SHANK2: variants seen among roughly 807,000 people sequenced by gnomAD.
SHANK2 encodes the protein SH3 and multiple ankyrin repeat domains 2, also known as SH3 and multiple ankyrin repeat domains protein 2.
Under a neutral mutation model 133.7 loss-of-function variants are expected in SHANK2, and 43 were observed. The ratio of observed to expected loss-of-function variants is 0.32; its 90% CI spans 0.25 to 0.41. The LOEUF (loss-of-function observed/expected upper bound fraction) is 0.41, where lower values mean the gene tolerates loss of function less well. SHANK2 is among the 10% of genes least tolerant of loss of function. The probability of loss-of-function intolerance (pLI) is 1.00; values close to 1 mark genes in which losing one functional copy is unlikely to be tolerated. For synonymous variants in SHANK2, 1,017 were observed against 952.8 expected (o/e 1.07, Z -1.24); for missense variants, 1,994 against 2,235.8 (o/e 0.89, Z 2.18).
chr11:71,083,611 C>A (rs990689752), intron 8 of SHANK2, among the ~76,000 whole-genome samples: 18 of 152,190 alleles, frequency 1.2e-4, no homozygotes, highest in Admixed American at 2.0e-4. Context: ...GATACTGAGT[C>A]AAACTCAGAG....
intron 11 of SHANK2, chr11:70,863,351 A>C (rs1247312501): frequency 2.2e-6 from 1 of 457,956 alleles, no homozygotes; most frequent in East Asian, 7.0e-5. Context: ...GGCTCCCCGA[A>C]CACAGCCCGA....
chr11:70,566,063 G>T (rs2059964933), intron 17 of SHANK2, among the ~76,000 whole-genome samples: 1 of 152,174 alleles, frequency 6.6e-6, no homozygotes, highest in South Asian at 2.1e-4. Context: ...ATGGCAGCAG[G>T]CAAGAGAGAA....
chr11:71,152,484 A>C (rs1273417667), intron 2 of SHANK2, among the ~76,000 whole-genome samples: 11 of 152,334 alleles, frequency 7.2e-5, no homozygotes, highest in Non-Finnish European at 1.3e-4. Context: ...ACCTGAGTCC[A>C]GGAACAAAAC....
intron 11 of SHANK2, among the ~76,000 whole-genome samples, chr11:70,844,906 GA>G (rs1555062747): frequency 6.6e-6 from 1 of 152,026 alleles, no homozygotes; most frequent in East Asian, 1.9e-4. Flanking sequence ...TTCTTCTTAT[GA>G]AAATAAAATA....
Position 71,127,564 on chromosome 11 carries a change from C to T in SHANK2, c.208-8532G>A, listed in dbSNP as rs1555102943. 2.0e-5 allele frequency among the ~76,000 whole-genome samples: 3 copies of T among 152,334 alleles called. No homozygotes were observed. In the South Asian group the frequency reaches 6.2e-4, roughly 32 times the overall value. ...TGGCAGCCATCAACATGAGACAAGA[C>T]ACTCCACCAACAAAAACATTACAGG... is the stretch of plus-strand genomic sequence containing the variant. On this transcript the variant is annotated intron_variant, in intron 3 of 25. Transcript: ENST00000601538.
In SHANK2 at chr11:70,743,240, G is replaced by A. The variant is rs1229358218; in HGVS notation, c.1778-44477C>T. Among the ~76,000 whole-genome samples, 8 of 152,306 alleles carry A rather than the reference G, an allele frequency of 5.3e-5. No individual in the cohort carries two copies. In the East Asian group the frequency reaches 5.8e-4, roughly 11 times the overall value. On this transcript the variant is annotated intron_variant, in intron 14 of 25. Coordinates refer to ENST00000601538, the MANE Select transcript of SHANK2 (RefSeq NM_012309.5). ...GCCAGGGGCAGCGCTCGAGCTGCACGTCTGCGTGCCCCCCCCAGTTCATAT... is the reference window on the plus strand; with the variant it reads ...GCCAGGGGCAGCGCTCGAGCTGCACATCTGCGTGCCCCCCCCAGTTCATAT...
At chr11:70,591,771 C>T (rs2060324881) in intron 17 of SHANK2, among the ~76,000 whole-genome samples, 1 of 152,152 alleles carries the variant, frequency 6.6e-6, no homozygotes. Flanking sequence ...AATCCCAGCA[C>T]TTTGGGAGGC....
chr11:70,760,416 C>A (rs1051462019), intron 14 of SHANK2, among the ~76,000 whole-genome samples: 5 of 152,228 alleles, frequency 3.3e-5, no homozygotes, highest in Non-Finnish European at 5.9e-5. Flanking sequence ...TGACTTTCTG[C>A]TCCCCACGTT....
At chr11:70,595,831 C>T (rs2060391947) in intron 17 of SHANK2, among the ~76,000 whole-genome samples, 1 of 152,218 alleles carries the variant, frequency 6.6e-6, no homozygotes, top group Non-Finnish European at 1.5e-5. Flanking sequence ...CGGATTGTGG[C>T]CTGATTTGGA....
intron 14 of SHANK2, among the ~76,000 whole-genome samples, chr11:70,751,226 C>T (rs576676415): frequency 4.0e-4 from 61 of 152,240 alleles, no homozygotes; most frequent in African/African-American, 1.2e-3. Context: ...TTCCCAGACA[C>T]GTCCAAATCA....
At chr11:70,555,427 G>A (rs1479325702) in intron 17 of SHANK2, among the ~76,000 whole-genome samples, 18 of 152,350 alleles carry the variant, frequency 1.2e-4, no homozygotes, top group African/African-American at 4.1e-4. Context: ...TGAATGTAAA[G>A]GAAAAGATCT....
At chr11:70,602,796 A>G (rs901511431) in intron 17 of SHANK2, among the ~76,000 whole-genome samples, 1 of 152,248 alleles carries the variant, frequency 6.6e-6, no homozygotes, top group Non-Finnish European at 1.5e-5. Flanking sequence ...ATTGTATAAC[A>G]TTACATTTTA....
At chr11:70,953,099 A>G (rs1269292510) in intron 10 of SHANK2, among the ~76,000 whole-genome samples, 2 of 151,940 alleles carry the variant, frequency 1.3e-5, no homozygotes, top group East Asian at 3.9e-4. Context: ...ACGCTGGCTT[A>G]CCCAGTGCTA....
intron 16 of SHANK2, 134 bp from the exon 17 acceptor site, chr11:70,660,086 C>T: frequency 8.1e-6 from 9 of 1,109,678 alleles, no homozygotes; most frequent in Non-Finnish European, 1.2e-5. Context: ...TCCAGGCCAA[C>T]TCTCCCCCAG....
At chr11:70,555,099 G>C (rs1166557778) in intron 17 of SHANK2, among the ~76,000 whole-genome samples, 1 of 151,720 alleles carries the variant, frequency 6.6e-6, no homozygotes, top group Non-Finnish European at 1.5e-5. Flanking sequence ...GGATTTTTTT[G>C]GGGGTGCCGT....
intron 11 of SHANK2, among the ~76,000 whole-genome samples, chr11:70,827,475 C>T (rs1184233100): frequency 6.6e-6 from 1 of 151,972 alleles, no homozygotes; most frequent in Non-Finnish European, 1.5e-5. Flanking sequence ...AAAGCAAACA[C>T]AGAGAAGTGG....
At chr11:70,755,320 C>T (rs1555038570) in intron 14 of SHANK2, among the ~76,000 whole-genome samples, 2 of 152,228 alleles carry the variant, frequency 1.3e-5, no homozygotes, top group Admixed American at 6.5e-5. Flanking sequence ...GATCCACCTG[C>T]CTCGGCCTCC....
chr11:70,505,209 A>AG (rs1269069585), intron 17 of SHANK2, among the ~76,000 whole-genome samples: 5 of 152,232 alleles, frequency 3.3e-5, no homozygotes, highest in South Asian at 2.1e-4. Context: ...AGCGGTAGGC[A>AG]GGGGGGCGCA....
Position 70,645,766 on chromosome 11 carries a change from C to T in SHANK2, c.2061+14062G>A, listed in dbSNP as rs570358304. Among the ~76,000 whole-genome samples, 4 of 152,206 alleles carry T rather than the reference C, an allele frequency of 2.6e-5. No individual in the cohort carries two copies. The South Asian group carries it at 8.3e-4, about 32-fold the overall frequency. On this transcript the variant is annotated intron_variant, in intron 17 of 25. Coordinates refer to ENST00000601538, the MANE Select transcript of SHANK2 (RefSeq NM_012309.5). ...GGGAGCTGGGGCAAGGCAGAGTGCC[C>T]TGGGCTTTGAGTCCAGCATCGGGGT...
Sources: gnomAD v4.1 joint callset for allele counts (sites outside exome capture counted in the v4.1 genomes callset) on GRCh38, gnomAD v4.1.1 for gene constraint, MANE v1.5 for transcripts, NCBI Gene and HGNC (gene_info 2026-07-23, HGNC 2026-07-21) for gene names.